Variants in PDCD11 observed in about 807,000 individuals in gnomAD.
PDCD11 encodes the protein protein RRP5 homolog.
In PDCD11, 97 loss-of-function variants were observed where a neutral mutation model predicts 198.9. The observed-to-expected ratio is 0.49, with a 90% CI of 0.41 to 0.58. PDCD11 has a LOEUF of 0.58. Among genes scored for constraint, PDCD11 ranks in the 20% least tolerant of loss-of-function variants. The probability of loss-of-function intolerance (pLI) is 0.00; values close to 1 mark genes in which losing one functional copy is unlikely to be tolerated. For synonymous variants in PDCD11, 893 were observed against 918.0 expected, an observed-to-expected ratio of 0.97 and a Z score of 0.49; for missense variants, 2,102 against 2,312.7, an observed-to-expected ratio of 0.91 and a Z score of 1.87.
At chr10:103,437,649 G>A (rs1055725767) in intron 25 of PDCD11, among the ~76,000 whole-genome samples, 1 of 152,016 alleles carries the variant, frequency 6.6e-6, no homozygotes, top group Non-Finnish European at 1.5e-5. Context: ...CACCACGCCC[G>A]GCTATTTTTT....
At position 103,440,777 on chromosome 10, in the gene PDCD11, A is replaced by T; in HGVS notation, c.4484A>T (p.Glu1495Val). ...CCAAAGAAAGCCGGCCTGTCAGAGG[A>T]GGACGACAGCCTTGTGGACGTGTAC... is the stretch of plus-strand genomic sequence containing the variant. ...KKPKKAGLSE[E>V]DDSLVDVYYR... Residue 1495 changes from glutamate to valine, a missense_variant, in exon 30 of 36, where the codon GAG becomes GTG. Physicochemically the swap from Glu to Val is moderately radical, Grantham distance 121. Transcript: ENST00000369797. 6.2e-7 allele frequency: 1 copy of T among 1,614,142 alleles called. No individual in the cohort carries two copies. Among genetic ancestry groups the T allele is most frequent in the Non-Finnish European group, 8.5e-7 (1 of 1,180,016 alleles).
intron 23 of PDCD11, 83 bp from the exon 24 acceptor site, chr10:103,434,165 T>C: frequency 1.6e-6 from 2 of 1,216,658 alleles, no homozygotes; most frequent in Non-Finnish European, 1.2e-6. Flanking sequence ...TGGGAGATAC[T>C]TGCTTTGGAG....
rs1252423396 is a variant in PDCD11 at position 103,410,095 on chromosome 10, C to T, written c.978+289C>T. Among the ~76,000 whole-genome samples, 3 of 152,050 alleles carry T rather than the reference C, an allele frequency of 2.0e-5. No individual in the cohort carries two copies. The highest frequency in any genetic ancestry group is 2.1e-4 in the South Asian group (1 of 4,818). On this transcript the variant is annotated intron_variant, in intron 8 of 35. Coordinates refer to ENST00000369797, the MANE Select transcript of PDCD11 (RefSeq NM_014976.2). ...ACTAAAAATACAAAAATTAGCCAGG[C>T]GTGGTGGCGCATGCCTGTAGTCCCA... is the stretch of plus-strand genomic sequence containing the variant.
chr10:103,422,055 TTTA>T (rs201558637), intron 17 of PDCD11, among the ~76,000 whole-genome samples: 53,920 of 127,016 alleles, frequency 0.42, 11,505 homozygotes, highest in African/African-American at 0.49. Flanking sequence ...AGTGCACAAT[TTTA>T]TTATTATTAT....
intron 6 of PDCD11, 33 bp downstream of exon 6, chr10:103,406,141 G>A (rs377727903): frequency 1.9e-5 from 30 of 1,608,890 alleles, no homozygotes; most frequent in Non-Finnish European, 2.5e-5. Context: ...GTACATGGTG[G>A]TGAGGTGGTA....
chr10:103,406,208 C>G (rs2030439406), intron 6 of PDCD11, 100 bp downstream of exon 6: 2 of 1,387,582 alleles, frequency 1.4e-6, no homozygotes, highest in Non-Finnish European at 2.0e-6. Context: ...GAATGGTGAC[C>G]CTGAAGGTGC....
chr10:103,406,890 C>T, intron 7 of PDCD11, 100 bp downstream of exon 7: 1 of 923,418 alleles, frequency 1.1e-6, no homozygotes, highest in Non-Finnish European at 1.6e-6. Context: ...AAGGTAGTCA[C>T]TAGTCACTTA....
At position 103,440,747 on chromosome 10, in the gene PDCD11, A is replaced by C. The variant is rs1330053970; in HGVS notation, c.4454A>C (p.Lys1485Thr). The change falls in exon 30 of 36, where the codon AAG becomes ACG. Residue 1485 changes from lysine (K) to threonine (T), a missense_variant. By Grantham distance (78) the Lys-to-Thr change is moderately conservative (BLOSUM62 -1). Transcript: ENST00000369797. Reference sequence around the variant, plus strand: ...CTGGCCTCTCAGGAAAGAGTGAGCAAGAAGCCAAAGAAAGCCGGCCTGTCA... The same window carrying C: ...CTGGCCTCTCAGGAAAGAGTGAGCACGAAGCCAAAGAAAGCCGGCCTGTCA... ...ESGSEQERVS[K>T]KPKKAGLSEE... is the part of the protein sequence containing the mutation. The C allele has an allele frequency of 6.2e-7, 1 of 1,614,174 alleles. No individual in the cohort carries two copies. The highest frequency in any genetic ancestry group is 1.7e-5 in the Admixed American group (1 of 60,026).
intron 17 of PDCD11, 55 bp from the exon 18 acceptor site, chr10:103,422,933 A>G: frequency 1.4e-6 from 2 of 1,394,812 alleles, no homozygotes; most frequent in Non-Finnish European, 1.9e-6. Flanking sequence ...AGAGGAAAAG[A>G]ACAGTGAGAG....
At chr10:103,397,053 C>G (rs1307762547) in intron 1 of PDCD11, among the ~76,000 whole-genome samples, 9 of 152,136 alleles carry the variant, frequency 5.9e-5, no homozygotes, top group Non-Finnish European at 1.0e-4. Flanking sequence ...ATCCCTGATT[C>G]CATATCCTTG....
chr10:103,433,828 A>G, intron 22 of PDCD11, 120 bp from the exon 23 acceptor site: 1 of 732,778 alleles, frequency 1.4e-6, no homozygotes, highest in South Asian at 1.7e-5. Context: ...GGAAGGGTGG[A>G]TTCCTGTCTC....
chr10:103,443,398 C>G (rs1390932270), intron 33 of PDCD11, 65 bp downstream of exon 33: 4 of 1,435,648 alleles, frequency 2.8e-6, no homozygotes, highest in Non-Finnish European at 3.8e-6. Flanking sequence ...AGAAGAGCCC[C>G]TGGGGTGCTG....
intron 4 of PDCD11, among the ~76,000 whole-genome samples, chr10:103,403,878 G>A (rs2030275370): frequency 6.6e-6 from 1 of 152,194 alleles, no homozygotes; most frequent in African/African-American, 2.4e-5. Flanking sequence ...TGGTGGGGCA[G>A]ATAGAGGTGT....
rs536805701 is a variant in PDCD11 at position 103,423,368 on chromosome 10, G to A, written c.2648-175G>A. Among the ~76,000 whole-genome samples, 5 of 152,252 alleles carry A rather than the reference G, an allele frequency of 3.3e-5. No homozygotes were observed. In the South Asian group the frequency reaches 1.0e-3, roughly 32 times the overall value. On this transcript the variant is annotated intron_variant, in intron 18 of 35. Transcript: ENST00000369797. ...AGGTTACATAAATTAAGGCCTACCT[G>A]AACTTGAACTATGGGAGGTAGACCC...
intron 30 of PDCD11, 85 bp downstream of exon 30, chr10:103,440,935 A>G: frequency 2.1e-6 from 2 of 945,728 alleles, no homozygotes; most frequent in Non-Finnish European, 3.2e-6. Flanking sequence ...CTTTTACTTC[A>G]TTTCCTATAA....
intron 19 of PDCD11, 62 bp from the exon 20 acceptor site, chr10:103,424,922 G>C: frequency 6.4e-7 from 1 of 1,572,704 alleles, no homozygotes; most frequent in Non-Finnish European, 8.7e-7. Flanking sequence ...GCCCAGTGGG[G>C]CCATGAGTGA....
chr10:103,403,364 G>A, intron 4 of PDCD11, 79 bp downstream of exon 4: 4 of 1,353,694 alleles, frequency 3.0e-6, no homozygotes, highest in Non-Finnish European at 4.1e-6. Flanking sequence ...TTTGCCAGGT[G>A]CTAAGAAGGG....
rs760430724 is a variant in PDCD11 at position 103,444,682 on chromosome 10, G to A, written c.5444G>A (p.Arg1815Gln). ...TIKHGSQKDV[R>Q]DIFERVIHLS... ...AAGCACGGCAGCCAGAAGGACGTCC[G>A]GTGAGTGGGGCAGCTGGCCAAGGCC... is the stretch of plus-strand genomic sequence containing the variant. The change falls in exon 35 of 36, where the codon CGG becomes CAG. Residue 1815 changes from arginine (R) to glutamine (Q), a missense_variant and splice_region_variant. Coordinates refer to ENST00000369797, the MANE Select transcript of PDCD11 (RefSeq NM_014976.2). 18 of 1,613,288 alleles carry A rather than the reference G, an allele frequency of 1.1e-5. No individual in the cohort carries two copies. Among genetic ancestry groups the A allele is most frequent in the Admixed American group, 1.7e-5 (1 of 60,006 alleles).
At chr10:103,440,917 C>T (rs964034530) in intron 30 of PDCD11, 67 bp downstream of exon 30, 15 of 1,093,230 alleles carry the variant, frequency 1.4e-5, no homozygotes, top group Non-Finnish European at 1.6e-5. Flanking sequence ...CATCCTCTGC[C>T]TCATCCTCTT....
Sources: allele counts gnomAD v4.1 joint callset (sites outside exome capture counted in the v4.1 genomes callset), GRCh38; gene constraint gnomAD v4.1.1; transcripts MANE v1.5; gene names NCBI Gene and HGNC (gene_info 2026-07-23, HGNC 2026-07-21).